Variants in PLCXD1 observed in about 807,000 individuals in gnomAD.
PLCXD1 encodes phosphatidylinositol specific phospholipase C X domain containing 1, also known as PI-PLC X domain-containing protein 1.
Under a neutral mutation model 37.8 loss-of-function variants are expected in PLCXD1, and 45 were observed. That is an observed-to-expected ratio of 1.19 (90% CI 0.94 to 1.53). The LOEUF is 1.53. Ranked by LOEUF, PLCXD1 falls within the 40% of genes most tolerant of loss-of-function variation. The pLI, the probability that PLCXD1 is intolerant of heterozygous loss-of-function variation, is 0.00. For missense variants in PLCXD1, 539 were observed against 454.7 expected (o/e 1.19, Z -1.69); for synonymous variants, 246 against 206.9 (o/e 1.19, Z -1.62).
At chrX:285,352 A>C (rs906010139) in intron 2 of PLCXD1, among the ~76,000 whole-genome samples, 1 of 150,662 alleles carries the variant, frequency 6.6e-6, no homozygotes, top group African/African-American at 2.5e-5. Flanking sequence ...ACACGTGTAC[A>C]CATGTACACA....
At chrX:281,940 G>T (rs775347293) in intron 1 of PLCXD1, among the ~76,000 whole-genome samples, 2 of 152,020 alleles carry the variant, frequency 1.3e-5, no homozygotes, top group South Asian at 4.2e-4. Context: ...TAGAAATGGG[G>T]TTTCACCATG....
chrX:286,632 G>T (rs1290594003), intron 2 of PLCXD1, among the ~76,000 whole-genome samples: 1 of 152,098 alleles, frequency 6.6e-6, no homozygotes, highest in Non-Finnish European at 1.5e-5. Flanking sequence ...AGCAAGTGTG[G>T]GGAACGTGAC....
intron 3 of PLCXD1, among the ~76,000 whole-genome samples, chrX:289,586 A>G (rs1285005578): frequency 7.0e-6 from 1 of 142,044 alleles, no homozygotes; most frequent in East Asian, 2.1e-4. Context: ...ATCTCGGCTC[A>G]CTGCAAGCTC....
At position 300,361 on chromosome X, in the gene PLCXD1, T is replaced by C. The variant is rs1371378611; in HGVS notation, c.*1026T>C. The stretch of plus-strand genomic sequence containing the variant: ...TCAGCTAGTTCTCACACCAAGCCTA[T>C]AGATATATATGTGTGTGTATATATG... On this transcript the variant is annotated 3_prime_UTR_variant, in exon 7 of 7. Coordinates refer to ENST00000381657, the MANE Select transcript of PLCXD1 (RefSeq NM_018390.4). 1 of 152,126 alleles carries C rather than the reference T, an allele frequency of 6.6e-6. No individual in the cohort carries two copies. Among genetic ancestry groups the C allele is most frequent in the Non-Finnish European group, 1.5e-5 (1 of 68,052 alleles). The allele number at this position is 152,126 out of a possible 1,614,324, so 9.4% of individuals were successfully genotyped here.
upstream of PLCXD1, among the ~76,000 whole-genome samples, chrX:280,354 A>AGGGG (rs2069238967): frequency 1.8e-5 from 1 of 56,114 alleles, no homozygotes; most frequent in African/African-American, 8.8e-5. Flanking sequence ...GTGCAGGGGG[A>AGGGG]AGGGGGGCCG....
chrX:276,613 C>T (rs2069162135), upstream of PLCXD1, among the ~76,000 whole-genome samples: 1 of 152,162 alleles, frequency 6.6e-6, no homozygotes, highest in Admixed American at 6.5e-5. Flanking sequence ...CACAGGCGGC[C>T]TGCACCCCTT....
rs2069930408 is a variant in PLCXD1, at chrX:299,423, G to C, written c.*88G>C. 2 of 933,572 alleles carry C rather than the reference G, an allele frequency of 2.1e-6. No individual in the cohort carries two copies. Among genetic ancestry groups the C allele is most frequent in the Non-Finnish European group, 3.5e-6 (2 of 564,392 alleles). The allele number at this position is 933,572 out of a possible 1,614,324, so 57.8% of individuals were successfully genotyped here. ...GTGACTTTGTTTGGGCCAAATGTTGGTGATCATAGGACCGATGATAATACG... is the reference window on the plus strand; with the variant it reads ...GTGACTTTGTTTGGGCCAAATGTTGCTGATCATAGGACCGATGATAATACG... On this transcript the variant is annotated 3_prime_UTR_variant, in exon 7 of 7. Transcript: ENST00000381657.
upstream of PLCXD1, among the ~76,000 whole-genome samples, chrX:279,155 C>T (rs186381899): frequency 1.6e-3 from 240 of 152,250 alleles, no homozygotes; most frequent in African/African-American, 5.4e-3. Flanking sequence ...GTCCAGAGGA[C>T]GAACGGCACA....
intron 6 of PLCXD1, 45 bp from the exon 7 acceptor site, chrX:299,052 T>C: frequency 7.2e-7 from 1 of 1,397,594 alleles, no homozygotes. Flanking sequence ...AACAGGCGGG[T>C]GAGGCCCGTG....
intron 3 of PLCXD1, among the ~76,000 whole-genome samples, chrX:290,020 C>T (rs1041823902): frequency 2.6e-4 from 39 of 152,030 alleles, no homozygotes; most frequent in African/African-American, 7.2e-4. Context: ...TGCGGTGGTG[C>T]GATCTCAGCT....
At chrX:285,548 CAT>C (rs1191863039) in intron 2 of PLCXD1, among the ~76,000 whole-genome samples, 6 of 69,960 alleles carry the variant, frequency 8.6e-5, no homozygotes, top group Admixed American at 1.3e-4. Context: ...TGCACACAGA[CAT>C]ACACATGTAC....
intron 2 of PLCXD1, among the ~76,000 whole-genome samples, chrX:285,744 GAC>G (rs1434142326): frequency 3.3e-5 from 5 of 152,066 alleles, no homozygotes; most frequent in East Asian, 1.9e-4. Context: ...TAGGCATACG[GAC>G]ACACATACAC....
At chrX:279,774 T>TG (rs1216540068), upstream of PLCXD1, among the ~76,000 whole-genome samples, 24 of 110,994 alleles carry the variant, frequency 2.2e-4, no homozygotes, top group African/African-American at 7.2e-4. Context: ...ACCCTGTCTC[T>TG]GAAAAAAAAA....
chrX:299,081 A>G lies in PLCXD1; in HGVS notation c.734-16A>G, dbSNP rs2069908534. The G allele has an allele frequency of 6.3e-7, 1 of 1,596,960 alleles. No homozygotes were observed. The highest frequency in any genetic ancestry group is 1.1e-5 in the South Asian group (1 of 90,724). On this transcript the variant is annotated splice_polypyrimidine_tract_variant and intron_variant, in intron 6 of 6. Coordinates refer to ENST00000381657, the MANE Select transcript of PLCXD1 (RefSeq NM_018390.4). Reference sequence around the variant, plus strand: ...GCCCGTGACCGTGTAACCTCTCCCCACCCTCACCGTTGCAGGAGGGTTGTT... The same window carrying G: ...GCCCGTGACCGTGTAACCTCTCCCCGCCCTCACCGTTGCAGGAGGGTTGTT...
chrX:291,113 A>AC (rs1039527421), intron 4 of PLCXD1, among the ~76,000 whole-genome samples: 3 of 147,160 alleles, frequency 2.0e-5, no homozygotes, highest in Non-Finnish European at 4.5e-5. Flanking sequence ...GGAGACACTG[A>AC]CCCCGCCAAT....
chrX:285,402 A>G lies in PLCXD1; in HGVS notation c.127+1088A>G, dbSNP rs187469858. Among the ~76,000 whole-genome samples, 470 of 152,232 alleles carry G rather than the reference A, an allele frequency of 3.1e-3. 3 individuals carry two copies. The highest frequency in any genetic ancestry group is 0.011 in the African/African-American group (448 of 41,538). ...TATATATATTTGCACCTATGCACAC[A>G]TATATACACCTGCAGATATACACAG... On this transcript the variant is annotated intron_variant, in intron 2 of 6. Transcript: ENST00000381657.
upstream of PLCXD1, among the ~76,000 whole-genome samples, chrX:277,139 C>T (rs1241258190): frequency 6.6e-6 from 1 of 151,954 alleles, no homozygotes; most frequent in South Asian, 2.1e-4. Flanking sequence ...GAGTGGGGGC[C>T]GCCCCCGGGG....
upstream of PLCXD1, among the ~76,000 whole-genome samples, chrX:279,389 G>C (rs28591624): frequency 0.036 from 5,527 of 152,286 alleles, 248 homozygotes; most frequent in African/African-American, 0.11. Context: ...GGTTCAATCG[G>C]TGAAGGTGGG....
intron 6 of PLCXD1, among the ~76,000 whole-genome samples, chrX:295,352 C>T (rs1042430400): frequency 2.6e-5 from 4 of 151,900 alleles, no homozygotes; most frequent in Admixed American, 2.0e-4. Flanking sequence ...CAGGTGGGGC[C>T]GTCTCGGTCC....
Sources: gnomAD v4.1 joint callset for allele counts (sites outside exome capture counted in the v4.1 genomes callset) on GRCh38, gnomAD v4.1.1 for gene constraint, MANE v1.5 for transcripts, NCBI Gene and HGNC (gene_info 2026-07-23, HGNC 2026-07-21) for gene names.